The following SFMBT2 variants were observed in gnomAD, a reference collection of about 807,000 sequenced individuals.
SFMBT2 encodes scm-like with four MBT domains protein 2.
SFMBT2 carries 38 observed loss-of-function variants against 110.1 expected under a neutral mutation model. That is an observed-to-expected ratio of 0.35 (90% CI 0.27 to 0.45). The LOEUF is 0.45. Among genes scored for constraint, SFMBT2 ranks in the 20% least tolerant of loss-of-function variants. SFMBT2 has a pLI of 1.00. For missense variants in SFMBT2, 1,011 were observed against 1,094.9 expected (o/e 0.92, Z 1.08); for synonymous variants, 425 against 425.4 (o/e 1.00, Z 0.01).
intron 4 of SFMBT2, among the ~76,000 whole-genome samples, chr10:7,322,220 T>C (rs192694714): frequency 4.6e-5 from 7 of 152,134 alleles, no homozygotes; most frequent in African/African-American, 1.7e-4. Flanking sequence ...TACATGGGAG[T>C]TCCCATGCAC....
chr10:7,164,156 G>T (rs755072378), intron 20 of SFMBT2: 15 of 972,334 alleles, frequency 1.5e-5, no homozygotes, highest in Non-Finnish European at 1.7e-5. Flanking sequence ...GAAGGCTGAG[G>T]CTGGAGGATC....
intron 1 of SFMBT2, among the ~76,000 whole-genome samples, chr10:7,387,630 A>G: frequency 6.6e-6 from 1 of 152,092 alleles, no homozygotes; most frequent in Non-Finnish European, 1.5e-5. Context: ...GGAGCCGAGG[A>G]TAAGAGGAAA....
Position 7,373,851 on chromosome 10 carries a change from G to A in SFMBT2, c.101-3476C>T, listed in dbSNP as rs370462387. Among the ~76,000 whole-genome samples, 183 of 152,246 alleles carry A rather than the reference G, an allele frequency of 1.2e-3. 1 individual carries two copies. The highest frequency in any genetic ancestry group is 4.0e-3 in the African/African-American group (168 of 41,548). On this transcript the variant is annotated intron_variant, in intron 2 of 20. Transcript: ENST00000397167. The stretch of plus-strand genomic sequence containing the variant: ...GAAGAGCACCTGGGAAGAAGACATC[G>A]GCATGAAACTCAGTCCTGGGCCGAA...
chr10:7,190,582 G>C (rs1319972409), intron 15 of SFMBT2, among the ~76,000 whole-genome samples: 1 of 152,210 alleles, frequency 6.6e-6, no homozygotes, highest in Non-Finnish European at 1.5e-5. Flanking sequence ...CTTTGGAATT[G>C]TGAGCTGAAT....
At chr10:7,354,516 G>A (rs376630512) in intron 4 of SFMBT2, among the ~76,000 whole-genome samples, 1 of 152,122 alleles carries the variant, frequency 6.6e-6, no homozygotes, top group Non-Finnish European at 1.5e-5. Flanking sequence ...GGGAAAGGAC[G>A]GCACTGGTCT....
At chr10:7,349,252 C>T (rs1433457527) in intron 4 of SFMBT2, among the ~76,000 whole-genome samples, 2 of 151,986 alleles carry the variant, frequency 1.3e-5, no homozygotes, top group Admixed American at 6.6e-5. Flanking sequence ...TGGAATGGCA[C>T]GTGTGATGGA....
intron 16 of SFMBT2, among the ~76,000 whole-genome samples, chr10:7,179,894 T>C (rs780387041): frequency 1.3e-5 from 2 of 152,238 alleles, no homozygotes; most frequent in Non-Finnish European, 2.9e-5. Context: ...TATGAAGATT[T>C]AAGTTATAGC....
At chr10:7,211,700 ACTT>A (rs1839355071) in intron 11 of SFMBT2, among the ~76,000 whole-genome samples, 1 of 152,136 alleles carries the variant, frequency 6.6e-6, no homozygotes, top group Non-Finnish European at 1.5e-5. Context: ...TAGAGGCCAT[ACTT>A]CTTCTTTGTA....
chr10:7,200,924 G>T (rs1838935724), intron 13 of SFMBT2: 2 of 794,486 alleles, frequency 2.5e-6, no homozygotes, highest in African/African-American at 1.9e-5. Flanking sequence ...GCCCGCGGGA[G>T]TCATGGCCAC....
At chr10:7,276,849 T>G (rs775008823) in intron 7 of SFMBT2, 43 bp downstream of exon 7, 1 of 840,604 alleles carries the variant, frequency 1.2e-6, no homozygotes, top group Non-Finnish European at 2.1e-6. Flanking sequence ...GATGATTTTA[T>G]TCTCAAAAAG....
intron 4 of SFMBT2, among the ~76,000 whole-genome samples, chr10:7,362,417 G>A (rs1365384506): frequency 6.6e-6 from 1 of 152,174 alleles, no homozygotes; most frequent in Non-Finnish European, 1.5e-5. Context: ...AAAGAGCCAT[G>A]CAAGAAAACA....
chr10:7,251,375 G>A (rs1840805242), intron 7 of SFMBT2, among the ~76,000 whole-genome samples: 1 of 152,124 alleles, frequency 6.6e-6, no homozygotes. Context: ...CCGGGAGGCA[G>A]AGGCAGGACA....
At chr10:7,273,525 C>T (rs1416487420) in intron 7 of SFMBT2, among the ~76,000 whole-genome samples, 2 of 152,190 alleles carry the variant, frequency 1.3e-5, no homozygotes, top group Non-Finnish European at 2.9e-5. Context: ...GCACAACGTG[C>T]AGGTTTGTTA....
intron 15 of SFMBT2, among the ~76,000 whole-genome samples, chr10:7,189,754 G>A (rs775925528): frequency 6.6e-5 from 10 of 152,228 alleles, no homozygotes; most frequent in Non-Finnish European, 1.3e-4. Context: ...GAAGGAGCAC[G>A]CCAGGCATGG....
At chr10:7,230,843 G>A (rs1275899873) in intron 9 of SFMBT2, among the ~76,000 whole-genome samples, 1 of 152,140 alleles carries the variant, frequency 6.6e-6, no homozygotes, top group Non-Finnish European at 1.5e-5. Context: ...TGAGGCAGGA[G>A]AATTGCTTGA....
intron 4 of SFMBT2, among the ~76,000 whole-genome samples, chr10:7,331,252 C>T (rs1463546932): frequency 6.6e-6 from 1 of 152,230 alleles, no homozygotes; most frequent in Non-Finnish European, 1.5e-5. Flanking sequence ...CTCGATGGCA[C>T]ACACCATTAA....
At chr10:7,235,870 C>A (rs1005576831) in intron 9 of SFMBT2, among the ~76,000 whole-genome samples, 1 of 152,068 alleles carries the variant, frequency 6.6e-6, no homozygotes, top group African/African-American at 2.4e-5. Flanking sequence ...ATGTACATTA[C>A]CAAAACTATC....
intron 4 of SFMBT2, among the ~76,000 whole-genome samples, chr10:7,298,783 G>A (rs985470203): frequency 1.3e-5 from 2 of 152,150 alleles, no homozygotes; most frequent in Non-Finnish European, 2.9e-5. Context: ...GTGTGTGTGT[G>A]TATATGTGTG....
Position 7,203,055 on chromosome 10 carries a change from A to C in SFMBT2, c.1445-533T>G, listed in dbSNP as rs181349410. 8.1e-6 allele frequency: 8 copies of C among 985,466 alleles called. No individual in the cohort carries two copies. The East Asian group carries it at 9.1e-4, about 112-fold the overall frequency. The allele number at this position is 985,466 out of a possible 1,614,324, so 61.0% of individuals were successfully genotyped here. A position where few individuals can be genotyped will look rare whatever the true frequency, so the allele number is the denominator to read the frequency against. On this transcript the variant is annotated intron_variant, in intron 12 of 20. Coordinates refer to ENST00000397167, the MANE Select transcript of SFMBT2 (RefSeq NM_001387889.1). Reference sequence around the variant, plus strand: ...AATAGTGATTTCTTTGGATAAGAACATTTCCAGTTTATATTTGTAACTGAT... The same window carrying C: ...AATAGTGATTTCTTTGGATAAGAACCTTTCCAGTTTATATTTGTAACTGAT...
Sources: allele counts gnomAD v4.1 joint callset (sites outside exome capture counted in the v4.1 genomes callset), GRCh38; gene constraint gnomAD v4.1.1; transcripts MANE v1.5; gene names NCBI Gene and HGNC (gene_info 2026-07-23, HGNC 2026-07-21).